Variants in BTBD10 observed in about 807,000 individuals in gnomAD.
BTBD10 encodes the protein BTB/POZ domain-containing protein 10.
BTBD10 carries 21 observed loss-of-function variants against 53.2 expected under a neutral mutation model. The observed-to-expected ratio is 0.39, with a 90% CI of 0.28 to 0.57. The LOEUF is 0.57. Ranked by LOEUF, BTBD10 falls within the 20% of genes least tolerant of loss-of-function variation. The pLI is 0.53. For missense variants in BTBD10, 360 were observed against 594.7 expected (o/e 0.61, Z 4.10); for synonymous variants, 149 against 192.7 (o/e 0.77, Z 1.88).
intron 2 of BTBD10, chr11:13,439,846 T>C (rs1398052704): frequency 1.4e-6 from 2 of 1,452,654 alleles, no homozygotes; most frequent in Admixed American, 4.7e-5. Context: ...TGTAAATAAT[T>C]ATAACCCAGA....
At position 13,445,094 on chromosome 11, in the gene BTBD10, T is replaced by TA. The variant is rs909173405; in HGVS notation, c.30dup (p.Asn11Ter). The TA allele has an allele frequency of 5.6e-6, 9 of 1,613,224 alleles. 1 individual carries two copies. In the African/African-American group the frequency reaches 1.2e-4, roughly 22 times the overall value. ...TCCCAATTCTCTGGATCACTGGAGT[T>TA]ACCATCATAGGGATGAGGCCGTCCT... On this transcript the variant is annotated frameshift_variant, in exon 2 of 9. Transcript: ENST00000278174. LOFTEE classifies it high-confidence loss of function.
At chr11:13,400,947 T>G (rs1949703036) in intron 8 of BTBD10, among the ~76,000 whole-genome samples, 1 of 152,190 alleles carries the variant, frequency 6.6e-6, no homozygotes, top group Non-Finnish European at 1.5e-5. Context: ...AGTTGTAAGA[T>G]GTGGTCCCAG....
chr11:13,456,334 A>G (rs189229921), intron 1 of BTBD10, among the ~76,000 whole-genome samples: 3 of 152,306 alleles, frequency 2.0e-5, no homozygotes, highest in Admixed American at 6.5e-5. Flanking sequence ...TCATCGAGAA[A>G]AGACAGACAC....
chr11:13,422,422 T>C (rs533397580), intron 2 of BTBD10, among the ~76,000 whole-genome samples: 178 of 152,030 alleles, frequency 1.2e-3, no homozygotes, highest in Non-Finnish European at 2.2e-3. Flanking sequence ...CCAATGCGGG[T>C]GAATCGCTTG....
At chr11:13,437,029 C>T (rs943728612) in intron 2 of BTBD10, among the ~76,000 whole-genome samples, 21 of 152,186 alleles carry the variant, frequency 1.4e-4, no homozygotes, top group Admixed American at 1.2e-3. Flanking sequence ...GCAACCCGCA[C>T]GCCTCAGCTT....
intron 8 of BTBD10, 25 bp from the exon 9 acceptor site, chr11:13,389,166 A>T: frequency 6.3e-7 from 1 of 1,588,130 alleles, no homozygotes; most frequent in Middle Eastern, 1.7e-4. Flanking sequence ...GATTTTAAAA[A>T]CTGAGGAGAC....
chr11:13,431,270 T>C (rs1407207410), intron 2 of BTBD10, among the ~76,000 whole-genome samples: 1 of 152,100 alleles, frequency 6.6e-6, no homozygotes, highest in African/African-American at 2.4e-5. Flanking sequence ...AAAGCACTTC[T>C]ACAATCAGAT....
At chr11:13,393,118 G>A (rs943522494) in intron 8 of BTBD10, among the ~76,000 whole-genome samples, 6 of 152,286 alleles carry the variant, frequency 3.9e-5, no homozygotes, top group Admixed American at 2.0e-4. Flanking sequence ...AATTATTTGT[G>A]CTTTCCCACA....
rs1462211932 is a variant in BTBD10, at chr11:13,397,505, T to C, written c.1117+5663A>G. Among the ~76,000 whole-genome samples, 7 of 152,280 alleles carry C rather than the reference T, an allele frequency of 4.6e-5. No homozygotes were observed. The South Asian group carries it at 8.3e-4, about 18-fold the overall frequency. ...TTCAAAAAACCAGCTCCTGGATTCATTGATTTTTTGAAGGGTTTTTTGTGT... is the reference window on the plus strand; with the variant it reads ...TTCAAAAAACCAGCTCCTGGATTCACTGATTTTTTGAAGGGTTTTTTGTGT... On this transcript the variant is annotated intron_variant, in intron 8 of 8. Coordinates refer to ENST00000278174, the MANE Select transcript of BTBD10 (RefSeq NM_032320.7).
At chr11:13,447,741 C>CATTT (rs1340840000) in intron 1 of BTBD10, among the ~76,000 whole-genome samples, 2 of 152,138 alleles carry the variant, frequency 1.3e-5, no homozygotes, top group African/African-American at 4.8e-5. Flanking sequence ...ATCATATTCA[C>CATTT]ATTTCATTTG....
intron 8 of BTBD10, among the ~76,000 whole-genome samples, chr11:13,389,910 C>G (rs924621529): frequency 6.6e-6 from 1 of 152,136 alleles, no homozygotes; most frequent in African/African-American, 2.4e-5. Flanking sequence ...ACTTCTGCAT[C>G]TAGATCAGCA....
chr11:13,446,312 T>G (rs1330021594), intron 1 of BTBD10, among the ~76,000 whole-genome samples: 1 of 152,172 alleles, frequency 6.6e-6, no homozygotes, highest in Non-Finnish European at 1.5e-5. Context: ...GGGAAAATAC[T>G]ATACTTTCCT....
intron 1 of BTBD10, 79 bp from the exon 2 acceptor site, chr11:13,445,260 T>A (rs1950732106): frequency 2.0e-6 from 1 of 501,482 alleles, no homozygotes; most frequent in Non-Finnish European, 3.5e-6. Flanking sequence ...AGACTTGATA[T>A]TATTGTGACA....
intron 2 of BTBD10, among the ~76,000 whole-genome samples, chr11:13,432,183 T>C (rs2098493574): frequency 6.6e-6 from 1 of 151,954 alleles, no homozygotes; most frequent in Admixed American, 6.6e-5. Flanking sequence ...AGAACCAAAT[T>C]AGGGGTTGCC....
intron 6 of BTBD10, among the ~76,000 whole-genome samples, chr11:13,410,074 A>C (rs753387569): frequency 3.3e-5 from 5 of 152,194 alleles, no homozygotes; most frequent in African/African-American, 4.8e-5. Flanking sequence ...TGATAAGTGC[A>C]CAAAAATCTC....
intron 1 of BTBD10, among the ~76,000 whole-genome samples, chr11:13,454,793 T>C (rs984086062): frequency 1.2e-4 from 18 of 152,162 alleles, no homozygotes; most frequent in African/African-American, 3.1e-4. Flanking sequence ...ATTGAGTACT[T>C]AAGCACCTTT....
intron 8 of BTBD10, among the ~76,000 whole-genome samples, chr11:13,397,717 G>C (rs1472016304): frequency 6.6e-6 from 1 of 152,130 alleles, no homozygotes; most frequent in Non-Finnish European, 1.5e-5. Context: ...CTTTGAATGT[G>C]TCCCAGAGAT....
At chr11:13,400,423 C>T (rs559690321) in intron 8 of BTBD10, among the ~76,000 whole-genome samples, 13 of 152,286 alleles carry the variant, frequency 8.5e-5, no homozygotes, top group Admixed American at 2.6e-4. Context: ...GGGAGTGACC[C>T]GATTTTCCAG....
At chr11:13,391,858 C>T (rs1208703847) in intron 8 of BTBD10, among the ~76,000 whole-genome samples, 1 of 152,188 alleles carries the variant, frequency 6.6e-6, no homozygotes, top group Non-Finnish European at 1.5e-5. Flanking sequence ...ACAGGAGAAT[C>T]ACTTGAACCC....
Sources: gnomAD v4.1 joint callset for allele counts (sites outside exome capture counted in the v4.1 genomes callset) on GRCh38, gnomAD v4.1.1 for gene constraint, MANE v1.5 for transcripts, NCBI Gene and HGNC (gene_info 2026-07-23, HGNC 2026-07-21) for gene names.